ARFGAP3: variants seen among roughly 807,000 people sequenced by gnomAD.
ARFGAP3 encodes the protein ADP-ribosylation factor GTPase-activating protein 3.
ARFGAP3 carries 72 observed loss-of-function variants against 75.0 expected under a neutral mutation model. That is an observed-to-expected ratio of 0.96 (90% CI 0.79 to 1.17). The LOEUF (loss-of-function observed/expected upper bound fraction) is 1.17. Ranked by LOEUF, ARFGAP3 falls within the 50% of genes most tolerant of loss-of-function variation. The pLI is 0.00. For missense variants in ARFGAP3, 620 were observed against 626.6 expected, an observed-to-expected ratio of 0.99 and a Z score of 0.11; for synonymous variants, 221 against 217.9, an observed-to-expected ratio of 1.01 and a Z score of -0.13.
intron 6 of ARFGAP3, among the ~76,000 whole-genome samples, chr22:42,829,255 A>T (rs778489483): frequency 6.6e-6 from 1 of 152,178 alleles, no homozygotes; most frequent in African/African-American, 2.4e-5. Context: ...AATTTCCAGA[A>T]CTGGTGTTTG....
rs776157385 is a variant in ARFGAP3, at chr22:42,857,234, C to G, written c.-52G>C. The G allele has an allele frequency of 2.0e-6, 3 of 1,489,144 alleles. No homozygotes were observed. In the African/African-American group the frequency reaches 4.4e-5, roughly 22 times the overall value. 92.2% of individuals were successfully genotyped at this position (1,489,144 alleles called of 1,614,324 possible). A position where few individuals can be genotyped will look rare whatever the true frequency, so the allele number is the denominator to read the frequency against. On this transcript the variant is annotated 5_prime_UTR_variant, in exon 1 of 16. Coordinates refer to ENST00000263245, the MANE Select transcript of ARFGAP3 (RefSeq NM_014570.5). ...GGCCCAGCCAACCGGTAAGAGTCGA[C>G]GAAAAGCGGCTACCGCCTCAGCAGG... is the stretch of plus-strand genomic sequence containing the variant.
At chr22:42,828,658 C>T (rs1255098475) in intron 6 of ARFGAP3, among the ~76,000 whole-genome samples, 1 of 151,432 alleles carries the variant, frequency 6.6e-6, no homozygotes, top group Non-Finnish European at 1.5e-5. Flanking sequence ...CTGTGGCTAA[C>T]CCTCAATCTC....
chr22:42,829,637 A>T (rs1926198363), intron 6 of ARFGAP3, among the ~76,000 whole-genome samples: 1 of 152,378 alleles, frequency 6.6e-6, no homozygotes, highest in South Asian at 2.1e-4. Context: ...TTTTGTCTAC[A>T]TATGAATTGC....
intron 9 of ARFGAP3, 104 bp downstream of exon 9, chr22:42,822,166 T>A: frequency 3.0e-5 from 23 of 761,330 alleles, no homozygotes; most frequent in East Asian, 5.7e-5. Flanking sequence ...TGCAGTACCC[T>A]CCCTTCCCCC....
intron 14 of ARFGAP3, among the ~76,000 whole-genome samples, chr22:42,800,375 C>G (rs1924802138): frequency 6.6e-6 from 1 of 152,030 alleles, no homozygotes; most frequent in African/African-American, 2.4e-5. Flanking sequence ...ACTAAAAATA[C>G]AAAAAATTAG....
chr22:42,836,905 T>A (rs1260756959), intron 3 of ARFGAP3, among the ~76,000 whole-genome samples: 1 of 151,590 alleles, frequency 6.6e-6, no homozygotes, highest in Non-Finnish European at 1.5e-5. Context: ...AGGGACAGAG[T>A]TAGGATTCAA....
intron 1 of ARFGAP3, among the ~76,000 whole-genome samples, chr22:42,851,210 G>A (rs1177647681): frequency 6.6e-6 from 1 of 152,252 alleles, no homozygotes; most frequent in Non-Finnish European, 1.5e-5. Flanking sequence ...AGTCCAGTGG[G>A]CAAGACAATT....
chr22:42,830,936 T>G (rs1262083801), intron 6 of ARFGAP3, among the ~76,000 whole-genome samples: 1 of 152,196 alleles, frequency 6.6e-6, no homozygotes, highest in Non-Finnish European at 1.5e-5. Flanking sequence ...CAAAAATGAT[T>G]ATTATATTCC....
Position 42,857,228 on chromosome 22 carries a change from A to G in ARFGAP3, c.-46T>C, listed in dbSNP as rs539476025. ...GCAGCTGGCCCAGCCAACCGGTAAG[A>G]GTCGACGAAAAGCGGCTACCGCCTC... On this transcript the variant is annotated 5_prime_UTR_variant, in exon 1 of 16. Transcript: ENST00000263245. The G allele has an allele frequency of 1.3e-6, 2 of 1,491,292 alleles. No individual in the cohort carries two copies. Among genetic ancestry groups the G allele is most frequent in the Admixed American group, 4.5e-5 (2 of 44,816 alleles). 92.4% of individuals were successfully genotyped at this position (1,491,292 alleles called of 1,614,324 possible).
intron 11 of ARFGAP3, among the ~76,000 whole-genome samples, chr22:42,813,823 T>A (rs1036637222): frequency 9.2e-5 from 14 of 152,224 alleles, no homozygotes; most frequent in Admixed American, 3.9e-4. Context: ...CGGCCACTAG[T>A]CCCTGCTCAG....
rs11289963 is a variant in ARFGAP3 at position 42,803,900 on chromosome 22, CTT to C, written c.1411+3171_1411+3172del. 7.8e-3 allele frequency among the ~76,000 whole-genome samples: 937 copies of C among 119,654 alleles called. 15 individuals are homozygous for C. Among genetic ancestry groups the C allele is most frequent in the African/African-American group, 0.031 (865 of 27,508 alleles). 78.5% of individuals were successfully genotyped at this position (119,654 alleles called of 152,430 possible). A position where few individuals can be genotyped will look rare whatever the true frequency, so the allele number is the denominator to read the frequency against. On this transcript the variant is annotated intron_variant, in intron 14 of 15. Transcript: ENST00000263245. ...TTCCTTCCTTCCCTCCCTCCTTCCT[CTT>C]TTTTTTTTTTTTTTTTTTTGATACA...
At chr22:42,854,086 G>A (rs905262830) in intron 1 of ARFGAP3, among the ~76,000 whole-genome samples, 16 of 152,164 alleles carry the variant, frequency 1.1e-4, no homozygotes, top group African/African-American at 2.4e-4. Flanking sequence ...CACTCTTCCC[G>A]CTCCACCACA....
chr22:42,843,800 G>C (rs1244915960), intron 2 of ARFGAP3, among the ~76,000 whole-genome samples: 1 of 152,164 alleles, frequency 6.6e-6, no homozygotes, highest in African/African-American at 2.4e-5. Context: ...CAGAGCTAGA[G>C]GGGAGGAGCA....
intron 2 of ARFGAP3, among the ~76,000 whole-genome samples, chr22:42,844,177 GT>G (rs1005090551): frequency 6.9e-6 from 1 of 144,892 alleles, no homozygotes; most frequent in Non-Finnish European, 1.5e-5. Context: ...TTAGCTAGTG[GT>G]TTTTTTTGTT....
intron 11 of ARFGAP3, among the ~76,000 whole-genome samples, chr22:42,812,548 C>A (rs1438233192): frequency 6.6e-6 from 1 of 151,956 alleles, no homozygotes; most frequent in East Asian, 1.9e-4. Flanking sequence ...TAACCAAAGG[C>A]CAATATAAGA....
intron 1 of ARFGAP3, among the ~76,000 whole-genome samples, chr22:42,848,138 A>G (rs1381106466): frequency 2.6e-5 from 4 of 152,110 alleles, no homozygotes; most frequent in Admixed American, 2.0e-4. Context: ...TGTTGGGATT[A>G]CAGGCACGAG....
intron 8 of ARFGAP3, 184 bp from the exon 9 acceptor site, chr22:42,822,593 A>C: frequency 7.5e-6 from 2 of 267,130 alleles, no homozygotes; most frequent in Non-Finnish European, 1.2e-5. Flanking sequence ...GCATGGGGGA[A>C]TTGGTTTCAC....
intron 7 of ARFGAP3, 81 bp from the exon 8 acceptor site, chr22:42,823,783 A>G (rs1925916041): frequency 3.1e-6 from 4 of 1,308,978 alleles, no homozygotes; most frequent in Non-Finnish European, 4.1e-6. Context: ...ATTCTAAGAT[A>G]CTGCACTTTA....
chr22:42,834,147 A>C, intron 5 of ARFGAP3, 95 bp downstream of exon 5: 1 of 1,153,762 alleles, frequency 8.7e-7, no homozygotes. Flanking sequence ...TTCTTGTTAC[A>C]AGAGCTTAGC....
Sources: gnomAD v4.1 joint callset for allele counts (sites outside exome capture counted in the v4.1 genomes callset) on GRCh38, gnomAD v4.1.1 for gene constraint, MANE v1.5 for transcripts, NCBI Gene and HGNC (gene_info 2026-07-23, HGNC 2026-07-21) for gene names.